The following ALG10B variants were observed in gnomAD, a reference collection of about 807,000 sequenced individuals.
ALG10B encodes the protein ALG10 alpha-1,2-glucosyltransferase B.
In ALG10B, 27 loss-of-function variants were observed where a neutral mutation model predicts 38.7. The observed-to-expected ratio is 0.70, with a 90% CI of 0.51 to 0.96. The LOEUF is 0.96. Among genes scored for constraint, ALG10B ranks in the 40% least tolerant of loss-of-function variants. The pLI is 0.00. For synonymous variants in ALG10B, 177 were observed against 193.3 expected (o/e 0.92, Z 0.70); for missense variants, 522 against 542.7 (o/e 0.96, Z 0.38).
At position 38,326,463 on chromosome 12, in the gene ALG10B, A is replaced by C. The variant is rs1169109968; in HGVS notation, c.*5250A>C. On this transcript the variant is annotated 3_prime_UTR_variant, in exon 3 of 3. Transcript: ENST00000308742. ...TTAAAAGGTTATAACACTTTAAAGG[A>C]AAGTTTCTTATTAAAGAAACTTTAT... is the stretch of plus-strand genomic sequence containing the variant. The C allele has an allele frequency of 1.1e-5, 1 of 89,710 alleles. No individual in the cohort carries two copies. The highest frequency in any genetic ancestry group is 2.1e-5 in the Non-Finnish European group (1 of 48,004). 5.6% of individuals were successfully genotyped at this position (89,710 alleles called of 1,614,324 possible).
At position 38,324,811 on chromosome 12, in the gene ALG10B, T is replaced by C. The variant is rs761349594; in HGVS notation, c.*3598T>C. ...GTGTTTTCAAAAGTTATTGAGTAGA[T>C]AGATATTTTTTCATGAATTTTTAAA... On this transcript the variant is annotated 3_prime_UTR_variant, in exon 3 of 3. Transcript: ENST00000308742. The C allele has an allele frequency of 2.6e-5, 4 of 152,208 alleles. No individual in the cohort carries two copies. Among genetic ancestry groups the C allele is most frequent in the African/African-American group, 9.6e-5 (4 of 41,452 alleles). The allele number at this position is 152,208 out of a possible 1,614,324, so 9.4% of individuals were successfully genotyped here. A position where few individuals can be genotyped will look rare whatever the true frequency, so the allele number is the denominator to read the frequency against.
In ALG10B at chr12:38,321,861, A is replaced by C. The variant is rs1945707833; in HGVS notation, c.*648A>C. ...AATCCAGAAATGATGAAGCTCTTTC[A>C]CTAATTCCTAATATGAAATGTATGA... On this transcript the variant is annotated 3_prime_UTR_variant, in exon 3 of 3. Coordinates refer to ENST00000308742, the MANE Select transcript of ALG10B (RefSeq NM_001013620.4). 1 of 152,520 alleles carries C rather than the reference A, an allele frequency of 6.6e-6. No homozygotes were observed. Among genetic ancestry groups the C allele is most frequent in the African/African-American group, 2.4e-5 (1 of 41,448 alleles). The allele number at this position is 152,520 out of a possible 1,614,324, so 9.4% of individuals were successfully genotyped here.
rs1397485102 is a variant in ALG10B at position 38,322,617 on chromosome 12, T to C, written c.*1404T>C. On this transcript the variant is annotated 3_prime_UTR_variant, in exon 3 of 3. Coordinates refer to ENST00000308742, the MANE Select transcript of ALG10B (RefSeq NM_001013620.4). ...TTTGACATATTTTGTGATGAAAACA[T>C]TTGAAATGTACTCTCAACAGTATTG... is the stretch of plus-strand genomic sequence containing the variant. 6.6e-6 allele frequency: 1 copy of C among 152,196 alleles called. No individual in the cohort carries two copies. Among genetic ancestry groups the C allele is most frequent in the African/African-American group, 2.4e-5 (1 of 41,454 alleles). The allele number at this position is 152,196 out of a possible 1,614,324, so 9.4% of individuals were successfully genotyped here.
In ALG10B at chr12:38,320,995, T is replaced by C; in HGVS notation, c.1204T>C (p.Cys402Arg). Residue 402 changes from cysteine (C) to arginine (R), a missense_variant, in exon 3 of 3, where the codon TGC (cysteine) becomes CGC (arginine). Transcript: ENST00000308742. ...TTTTTGGAATTTAATGTTTTTCATATGCTTGTTCATTGTTATAGTTCCTCA... is the reference window on the plus strand; with the variant it reads ...TTTTTGGAATTTAATGTTTTTCATACGCTTGTTCATTGTTATAGTTCCTCA... ...PIFWNLMFFI[C>R]LFIVIVPQKL... 6.2e-7 allele frequency: 1 copy of C among 1,613,318 alleles called. No individual in the cohort carries two copies.
chr12:38,320,877 T>G lies in ALG10B; in HGVS notation c.1086T>G (p.Val362=). 1 of 1,613,782 alleles carries G rather than the reference T, an allele frequency of 6.2e-7. No homozygotes were observed. Among genetic ancestry groups the G allele is most frequent in the Non-Finnish European group, 8.5e-7 (1 of 1,179,866 alleles). ...RHYTFYVWKR[V]FQRYAILKYL... ...ATACTTTCTATGTGTGGAAAAGAGT[T>G]TTTCAAAGATATGCAATTCTGAAAT... The change falls in exon 3 of 3, where the codon GTT becomes GTG. Residue 362 remains valine, a synonymous_variant. Transcript: ENST00000308742.
intron 2 of ALG10B, among the ~76,000 whole-genome samples, chr12:38,319,952 A>G (rs1945686846): frequency 6.6e-6 from 1 of 152,204 alleles, no homozygotes; most frequent in Non-Finnish European, 1.5e-5. Context: ...ACGGTCTCCA[A>G]ACTGATAGGT....
rs568213443 is a variant in ALG10B at position 38,324,855 on chromosome 12, T to G, written c.*3642T>G. 1 of 152,192 alleles carries G rather than the reference T, an allele frequency of 6.6e-6. No homozygotes were observed. Among genetic ancestry groups the G allele is most frequent in the African/African-American group, 2.4e-5 (1 of 41,452 alleles). 9.4% of individuals were successfully genotyped at this position (152,192 alleles called of 1,614,324 possible). On this transcript the variant is annotated 3_prime_UTR_variant, in exon 3 of 3. Transcript: ENST00000308742. ...TTTTAAACATTAGACTTAGCTGAAT[T>G]GATTAAAATTAGGTGATTATGAAAA...
chr12:38,322,143 A>C lies in ALG10B; in HGVS notation c.*930A>C, dbSNP rs1945709597. 6.6e-6 allele frequency: 1 copy of C among 152,156 alleles called. No homozygotes were observed. Among genetic ancestry groups the C allele is most frequent in the African/African-American group, 2.4e-5 (1 of 41,436 alleles). 9.4% of individuals were successfully genotyped at this position (152,156 alleles called of 1,614,324 possible). ...TCTTGTGGCTGTCTGCAATTCTTGG[A>C]GTTCTTTGGCTTATGGGCATATCTT... On this transcript the variant is annotated 3_prime_UTR_variant, in exon 3 of 3. Transcript: ENST00000308742.
chr12:38,320,403 G>A lies in ALG10B; in HGVS notation c.612G>A (p.Lys204=). The A allele has an allele frequency of 6.2e-7, 1 of 1,614,088 alleles. No homozygotes were observed. The highest frequency in any genetic ancestry group is 8.5e-7 in the Non-Finnish European group (1 of 1,179,974). Residue 204 remains lysine (K), a synonymous_variant, in exon 3 of 3, where the codon AAG becomes AAA. Coordinates refer to ENST00000308742, the MANE Select transcript of ALG10B (RefSeq NM_001013620.4). The part of the protein sequence containing the change: ...VFCAGNVIAQ[K]LTEAWKTELQ... ...GTGCAGGGAATGTCATTGCACAAAA[G>A]TTAACTGAGGCTTGGAAAACTGAGC...
Position 38,320,805 on chromosome 12 carries a change from G to A in ALG10B, c.1014G>A (p.Trp338Ter), listed in dbSNP as rs776236525. 3 of 1,613,728 alleles carry A rather than the reference G, an allele frequency of 1.9e-6. No individual in the cohort carries two copies. Among genetic ancestry groups the A allele is most frequent in the Non-Finnish European group, 2.5e-6 (3 of 1,179,882 alleles). ...VVTLVSVFLV[W>*]KFTYAHKYLL... Reference sequence around the variant, plus strand: ...CCTTAGTCTCTGTGTTTTTAGTTTGGAAATTCACTTATGCTCATAAATACT... The same window carrying A: ...CCTTAGTCTCTGTGTTTTTAGTTTGAAAATTCACTTATGCTCATAAATACT... Residue 338 changes from tryptophan to a stop codon, truncating the protein, a stop_gained, in exon 3 of 3, where the codon TGG (tryptophan) becomes TGA (stop). Coordinates refer to ENST00000308742, the MANE Select transcript of ALG10B (RefSeq NM_001013620.4). LOFTEE classifies it high-confidence loss of function.
rs1202269328 is a variant in ALG10B, at chr12:38,327,055, A to G, written c.*5842A>G. 1 of 149,470 alleles carries G rather than the reference A, an allele frequency of 6.7e-6. No homozygotes were observed. The highest frequency in any genetic ancestry group is 1.5e-5 in the Non-Finnish European group (1 of 67,478). The allele number at this position is 149,470 out of a possible 1,614,324, so 9.3% of individuals were successfully genotyped here. A position where few individuals can be genotyped will look rare whatever the true frequency, so the allele number is the denominator to read the frequency against. On this transcript the variant is annotated 3_prime_UTR_variant, in exon 3 of 3. Coordinates refer to ENST00000308742, the MANE Select transcript of ALG10B (RefSeq NM_001013620.4). The stretch of plus-strand genomic sequence containing the variant: ...TATATATATTTATATATACAAATAT[A>G]TACGTATTTATATATACAAATTTGT...
At chr12:38,316,705 C>A, upstream of ALG10B, 1 of 886,058 alleles carries the variant, frequency 1.1e-6, no homozygotes, top group Non-Finnish European at 1.8e-6. Context: ...CTAAACCCGT[C>A]ACTCCAGGAA....
rs1288348673 is a variant in ALG10B at position 38,323,880 on chromosome 12, C to T, written c.*2667C>T. 35 of 701,232 alleles carry T rather than the reference C, an allele frequency of 5.0e-5. No individual in the cohort carries two copies. Among genetic ancestry groups the T allele is most frequent in the Non-Finnish European group, 9.1e-5 (35 of 384,576 alleles). 43.4% of individuals were successfully genotyped at this position (701,232 alleles called of 1,614,324 possible). A position where few individuals can be genotyped will look rare whatever the true frequency, so the allele number is the denominator to read the frequency against. ...TAATTTAGGGAAAGTAACTTTTTGT[C>T]TGATAATATTAATGCAAGGATTTTG... On this transcript the variant is annotated 3_prime_UTR_variant, in exon 3 of 3. Transcript: ENST00000308742.
Position 38,318,456 on chromosome 12 carries a change from A to G in ALG10B, c.367A>G (p.Lys123Glu). The G allele has an allele frequency of 6.2e-7, 1 of 1,613,902 alleles. No homozygotes were observed. Among genetic ancestry groups the G allele is most frequent in the Non-Finnish European group, 8.5e-7 (1 of 1,179,796 alleles). The change falls in exon 2 of 3, where the codon AAG becomes GAG. Residue 123 changes from lysine (K) to glutamate (E), a missense_variant and splice_region_variant. Physicochemically the swap from Lys to Glu is moderately conservative, Grantham distance 56 (BLOSUM62 1). Coordinates refer to ENST00000308742, the MANE Select transcript of ALG10B (RefSeq NM_001013620.4). ...LLFHKVQPRN[K>E]AASSIQRVLS... ...TTTCCACAAGGTACAACCCAGAAAC[A>G]AGGTATGTTTCAAAATACTTAATTA... is the stretch of plus-strand genomic sequence containing the variant.
chr12:38,322,725 A>G lies in ALG10B; in HGVS notation c.*1512A>G, dbSNP rs1259916724. ...AAAAAAAGTCAAACATATTCCTTCT[A>G]TCTAATTGAGGCTTTGTATCTTTTG... On this transcript the variant is annotated 3_prime_UTR_variant, in exon 3 of 3. Transcript: ENST00000308742. 1.3e-5 allele frequency: 2 copies of G among 152,120 alleles called. No individual in the cohort carries two copies. Among genetic ancestry groups the G allele is most frequent in the Non-Finnish European group, 2.9e-5 (2 of 68,010 alleles). The allele number at this position is 152,120 out of a possible 1,614,324, so 9.4% of individuals were successfully genotyped here.
At position 38,324,135 on chromosome 12, in the gene ALG10B, C is replaced by T. The variant is rs1269453740; in HGVS notation, c.*2922C>T. ...GAAACCTCCACCTCCTGGGTTCAAG[C>T]AGTTCTCCTGCCTCAGCCTCCCGAG... is the stretch of plus-strand genomic sequence containing the variant. On this transcript the variant is annotated 3_prime_UTR_variant, in exon 3 of 3. Coordinates refer to ENST00000308742, the MANE Select transcript of ALG10B (RefSeq NM_001013620.4). 3.6e-5 allele frequency: 19 copies of T among 524,948 alleles called. No homozygotes were observed. In the East Asian group the frequency reaches 5.8e-4, roughly 16 times the overall value. The allele number at this position is 524,948 out of a possible 1,614,324, so 32.5% of individuals were successfully genotyped here. A position where few individuals can be genotyped will look rare whatever the true frequency, so the allele number is the denominator to read the frequency against.
chr12:38,317,059 T>C lies in ALG10B; in HGVS notation c.166T>C (p.Ser56Pro). Residue 56 changes from serine to proline, a missense_variant, in exon 1 of 3, where the codon TCC becomes CCC. Physicochemically the swap from Ser to Pro is moderately conservative, Grantham distance 74. Transcript: ENST00000308742. ...QRYCEGHFSLSQWDPMITTLP... is the reference protein window; with the variant it reads ...QRYCEGHFSLPQWDPMITTLP... The stretch of plus-strand genomic sequence containing the variant: ...CTACTGTGAGGGCCATTTCTCCCTT[T>C]CCCAGGTGGGGTGCCCAACCTGTCC... 2.5e-6 allele frequency: 4 copies of C among 1,614,096 alleles called. No homozygotes were observed. Among genetic ancestry groups the C allele is most frequent in the Non-Finnish European group, 3.4e-6 (4 of 1,180,022 alleles).
Position 38,328,280 on chromosome 12 carries a change from AACT to A in ALG10B, c.*7072_*7074del, listed in dbSNP as rs1215234709. On this transcript the variant is annotated 3_prime_UTR_variant, in exon 3 of 3. Coordinates refer to ENST00000308742, the MANE Select transcript of ALG10B (RefSeq NM_001013620.4). ...GGTATATTTTAAGTTTCTAAACCAA[AACT>A]ACTATTTGACTCTATTACACCCTGT... 2.6e-5 allele frequency: 4 copies of A among 152,196 alleles called. No homozygotes were observed. Among genetic ancestry groups the A allele is most frequent in the Admixed American group, 1.3e-4 (2 of 15,278 alleles). The allele number at this position is 152,196 out of a possible 1,614,324, so 9.4% of individuals were successfully genotyped here.
Position 38,324,496 on chromosome 12 carries a change from A to G in ALG10B, c.*3283A>G, listed in dbSNP as rs1229048394. The G allele has an allele frequency of 2.0e-5, 3 of 152,344 alleles. No homozygotes were observed. The South Asian group carries it at 6.2e-4, about 32-fold the overall frequency. The allele number at this position is 152,344 out of a possible 1,614,324, so 9.4% of individuals were successfully genotyped here. On this transcript the variant is annotated 3_prime_UTR_variant, in exon 3 of 3. Coordinates refer to ENST00000308742, the MANE Select transcript of ALG10B (RefSeq NM_001013620.4). ...AGAATGCCATGTATTAAAAGGTGCT[A>G]TTTTCAACTATTTATTATTTTAAAA...
Sources: allele counts gnomAD v4.1 joint callset (sites outside exome capture counted in the v4.1 genomes callset), GRCh38; gene constraint gnomAD v4.1.1; transcripts MANE v1.5; gene names NCBI Gene and HGNC (gene_info 2026-07-23, HGNC 2026-07-21).